Variants in CCDC171 observed in about 807,000 individuals in gnomAD.
CCDC171 encodes the protein coiled-coil domain containing 171, also known as coiled-coil domain-containing protein 171.
Under a neutral mutation model 168.2 loss-of-function variants are expected in CCDC171, and 177 were observed. That is an observed-to-expected ratio of 1.05 (90% CI 0.93 to 1.19). CCDC171 has a LOEUF of 1.19. Among genes scored for constraint, CCDC171 ranks in the 50% most tolerant of loss-of-function variants. The probability of loss-of-function intolerance (pLI) is 0.00; values close to 1 mark genes in which losing one functional copy is unlikely to be tolerated. For missense variants in CCDC171, 1,991 were observed against 1,539.0 expected (o/e 1.29, Z -4.91); for synonymous variants, 687 against 540.8 (o/e 1.27, Z -3.75).
chr9:15,884,332 A>G (rs192342294), intron 24 of CCDC171, among the ~76,000 whole-genome samples: 147 of 152,280 alleles, frequency 9.7e-4, no homozygotes, highest in African/African-American at 3.4e-3. Context: ...ATGTTTTTGA[A>G]ATAATTTTTC....
intron 21 of CCDC171, among the ~76,000 whole-genome samples, chr9:15,796,640 C>G (rs1057027896): frequency 6.6e-6 from 1 of 152,210 alleles, no homozygotes; most frequent in Non-Finnish European, 1.5e-5. Context: ...CCTGCTCAAC[C>G]CTGCGGTTGG....
At chr9:15,954,714 A>C (rs1199758593) in intron 25 of CCDC171, among the ~76,000 whole-genome samples, 1 of 150,920 alleles carries the variant, frequency 6.6e-6, no homozygotes, top group Non-Finnish European at 1.5e-5. Flanking sequence ...CACTGTAGTG[A>C]ATTTTTCATT....
chr9:15,566,591 A>T (rs1357107336), intron 2 of CCDC171, among the ~76,000 whole-genome samples: 2 of 152,126 alleles, frequency 1.3e-5, no homozygotes, highest in Non-Finnish European at 2.9e-5. Flanking sequence ...AAGATATATG[A>T]TATGCAAACA....
chr9:15,851,002 C>T (rs2061102685), intron 23 of CCDC171, among the ~76,000 whole-genome samples: 1 of 151,932 alleles, frequency 6.6e-6, no homozygotes, highest in East Asian at 1.9e-4. Flanking sequence ...TAGAATAAAA[C>T]TAAGTCTTAC....
chr9:15,684,988 G>C (rs558960217), intron 10 of CCDC171, among the ~76,000 whole-genome samples: 2 of 152,282 alleles, frequency 1.3e-5, no homozygotes, highest in African/African-American at 2.4e-5. Flanking sequence ...AGCCAACATA[G>C]CATTAAGGGA....
intron 3 of CCDC171, among the ~76,000 whole-genome samples, chr9:15,998,188 G>A (rs1832431239): frequency 6.6e-6 from 1 of 152,154 alleles, no homozygotes; most frequent in Admixed American, 6.5e-5. Context: ...CCAGACCCAT[G>A]TGTTCTCTGT....
chr9:15,982,983 A>G (rs1282156663), intron 3 of CCDC171, among the ~76,000 whole-genome samples: 2 of 152,148 alleles, frequency 1.3e-5, no homozygotes, highest in Non-Finnish European at 2.9e-5. Context: ...ATTCTCTCTT[A>G]AAGGTCACTT....
At chr9:15,879,798 T>C (rs2105312) in intron 24 of CCDC171, among the ~76,000 whole-genome samples, 117,845 of 151,568 alleles carry the variant, frequency 0.78, 46,556 homozygotes, top group East Asian at 0.85. Context: ...TTGCATACAT[T>C]TTTTCATTAT....
At chr9:15,875,223 A>G (rs1467071065) in intron 24 of CCDC171, 1 of 152,044 alleles carries the variant, frequency 6.6e-6, no homozygotes, top group African/African-American at 2.4e-5. Context: ...TGAACATTGT[A>G]AGATGTGCAA....
chr9:15,702,552 A>G (rs1373230287), intron 11 of CCDC171, among the ~76,000 whole-genome samples: 3 of 152,152 alleles, frequency 2.0e-5, no homozygotes, highest in Non-Finnish European at 4.4e-5. Flanking sequence ...CAGCCACATT[A>G]GCCCCTAACA....
chr9:15,775,543 C>A (rs1311859648), intron 18 of CCDC171, among the ~76,000 whole-genome samples: 1 of 152,182 alleles, frequency 6.6e-6, no homozygotes, highest in Non-Finnish European at 1.5e-5. Context: ...TGGTCTCGAT[C>A]TCCTGACCTC....
intron 23 of CCDC171, among the ~76,000 whole-genome samples, chr9:15,851,493 A>C (rs1004855877): frequency 5.3e-5 from 8 of 151,906 alleles, no homozygotes; most frequent in African/African-American, 1.7e-4. Flanking sequence ...CAAAATCATC[A>C]TAACTTTTCA....
intron 25 of CCDC171, among the ~76,000 whole-genome samples, chr9:15,953,418 A>G (rs1287944026): frequency 3.3e-5 from 5 of 152,128 alleles, no homozygotes; most frequent in Admixed American, 3.3e-4. Flanking sequence ...AAATGCTTGT[A>G]TGCGTGTATC....
At chr9:15,954,521 C>G (rs1455008443) in intron 25 of CCDC171, among the ~76,000 whole-genome samples, 1 of 151,852 alleles carries the variant, frequency 6.6e-6, no homozygotes, top group Non-Finnish European at 1.5e-5. Flanking sequence ...TAAGTACATT[C>G]TTTTCATTCT....
rs187037686 is a variant in CCDC171 at position 15,701,294 on chromosome 9, T to A, written c.1318+5957T>A. Among the ~76,000 whole-genome samples the A allele has an allele frequency of 2.0e-5, 3 of 152,292 alleles. 1 individual carries two copies. The highest frequency in any genetic ancestry group is 2.0e-4 in the Admixed American group (3 of 15,286). On this transcript the variant is annotated intron_variant, in intron 11 of 25. Coordinates refer to ENST00000380701, the MANE Select transcript of CCDC171 (RefSeq NM_173550.4). ...GTTTTTGTTGCCTGTGCTTTTGAGG[T>A]TTTAGCCATAAAATCTTTGCCTAGA...
intron 1 of CCDC171, among the ~76,000 whole-genome samples, chr9:16,056,403 A>T (rs2133079308): frequency 6.6e-6 from 1 of 152,350 alleles, no homozygotes; most frequent in East Asian, 1.9e-4. Context: ...TGTACTAAGT[A>T]ATTGTTAATT....
At chr9:15,849,410 G>A (rs1219273058) in intron 23 of CCDC171, among the ~76,000 whole-genome samples, 1 of 150,908 alleles carries the variant, frequency 6.6e-6, no homozygotes, top group African/African-American at 2.4e-5. Flanking sequence ...TTTCTTTCTT[G>A]TAAGAATATA....
chr9:15,657,065 AGT>A, intron 7 of CCDC171, 60 bp from the exon 8 acceptor site: 1 of 896,852 alleles, frequency 1.1e-6, no homozygotes, highest in Non-Finnish European at 1.7e-6. Flanking sequence ...GCTGGACTGT[AGT>A]GATCCATATC....
chr9:16,024,633 G>T (rs1256657769), intron 6 of CCDC171, among the ~76,000 whole-genome samples: 1 of 152,192 alleles, frequency 6.6e-6, no homozygotes, highest in African/African-American at 2.4e-5. Context: ...ACCTTCTGCT[G>T]CATGCAGCCA....
Sources: gnomAD v4.1 joint callset for allele counts (sites outside exome capture counted in the v4.1 genomes callset) on GRCh38, gnomAD v4.1.1 for gene constraint, MANE v1.5 for transcripts, NCBI Gene and HGNC (gene_info 2026-07-23, HGNC 2026-07-21) for gene names.